The following PARP8 variants were observed in gnomAD, a reference collection of about 807,000 sequenced individuals.
PARP8 encodes protein mono-ADP-ribosyltransferase PARP8.
PARP8 carries 51 observed loss-of-function variants against 124.1 expected under a neutral mutation model. The observed-to-expected ratio is 0.41, with a 90% CI of 0.33 to 0.52. The LOEUF (loss-of-function observed/expected upper bound fraction) is 0.52, where lower values mean the gene tolerates loss of function less well. PARP8 is among the 20% of genes least tolerant of loss of function. The probability of loss-of-function intolerance (pLI) is 0.21; values close to 1 mark genes in which losing one functional copy is unlikely to be tolerated. For missense variants in PARP8, 860 were observed against 1,018.9 expected (o/e 0.84, Z 2.12); for synonymous variants, 391 against 361.5 (o/e 1.08, Z -0.93).
At chr5:50,733,802 T>C (rs1757219630) in intron 2 of PARP8, among the ~76,000 whole-genome samples, 1 of 152,152 alleles carries the variant, frequency 6.6e-6, no homozygotes, top group South Asian at 2.1e-4. Context: ...ATTTCCTTCT[T>C]ACCAAGCCAG....
chr5:50,757,376 A>G (rs1242052355), intron 3 of PARP8, among the ~76,000 whole-genome samples: 1 of 152,092 alleles, frequency 6.6e-6, no homozygotes, highest in Non-Finnish European at 1.5e-5. Flanking sequence ...TCTGTCAAAT[A>G]ATTGAACCAG....
In PARP8 at chr5:50,843,253, CAG is replaced by C. The variant is rs1448534734; in HGVS notation, c.*1186_*1187del. On this transcript the variant is annotated 3_prime_UTR_variant, in exon 26 of 26. Transcript: ENST00000281631. ...TTCTTATTCATCAAGTTTTAATTGA[CAG>C]TGTTTATTTTCCCACATGTTGTCTT... 8 of 151,706 alleles carry C rather than the reference CAG, an allele frequency of 5.3e-5. No homozygotes were observed. The highest frequency in any genetic ancestry group is 1.9e-4 in the African/African-American group (8 of 41,424). The allele number at this position is 151,706 out of a possible 1,614,324, so 9.4% of individuals were successfully genotyped here.
At chr5:50,778,419 A>G (rs1195193493) in intron 8 of PARP8, 141 bp from the exon 9 acceptor site, 12 of 670,280 alleles carry the variant, frequency 1.8e-5, no homozygotes, top group East Asian at 2.8e-5. Flanking sequence ...ATATTTTCAC[A>G]AAACAGTGGG....
rs756435205 is a variant in PARP8, at chr5:50,834,982, A to G, written c.2429A>G (p.Asn810Ser). 1.3e-5 allele frequency: 21 copies of G among 1,613,484 alleles called. No homozygotes were observed. Among genetic ancestry groups the G allele is most frequent in the South Asian group, 3.3e-5 (3 of 91,064 alleles). Reference sequence around the variant, plus strand: ...CATGGAGAGATATGGGTTGTCCCCAATACTGACCATGTCTGCACACGATTC... The same window carrying G: ...CATGGAGAGATATGGGTTGTCCCCAGTACTGACCATGTCTGCACACGATTC... ...HKHGEIWVVP[N>S]TDHVCTRFFF... The change falls in exon 25 of 26, where the codon AAT becomes AGT. Residue 810 changes from asparagine (N) to serine (S), a missense_variant. Around this residue, in one of 2 missense-constraint regions of PARP8, gnomAD observed 343 missense variants for 474.7 expected, o/e 0.72. Transcript: ENST00000281631.
At chr5:50,822,571 G>A (rs1324054083) in intron 17 of PARP8, among the ~76,000 whole-genome samples, 171 bp downstream of exon 17, 1 of 152,084 alleles carries the variant, frequency 6.6e-6, no homozygotes, top group Non-Finnish European at 1.5e-5. Context: ...TGTGACTTCA[G>A]GAAAGTAAGT....
In PARP8 at chr5:50,776,182, C is replaced by G. The variant is rs115650134; in HGVS notation, c.519-1887C>G. 1.9e-3 allele frequency among the ~76,000 whole-genome samples: 296 copies of G among 152,280 alleles called. 1 individual carries two copies. The highest frequency in any genetic ancestry group is 2.5e-3 in the Non-Finnish European group (173 of 68,018). ...TCATGATTCTGTTAATGTGATGTATCACGTTTATTGATTTGCATATGTTGA... is the reference window on the plus strand; with the variant it reads ...TCATGATTCTGTTAATGTGATGTATGACGTTTATTGATTTGCATATGTTGA... On this transcript the variant is annotated intron_variant, in intron 7 of 25. Coordinates refer to ENST00000281631, the MANE Select transcript of PARP8 (RefSeq NM_024615.4).
chr5:50,826,310 A>G (rs1239218000), intron 18 of PARP8, among the ~76,000 whole-genome samples: 1 of 151,798 alleles, frequency 6.6e-6, no homozygotes, highest in Non-Finnish European at 1.5e-5. Context: ...ATATCAGCTC[A>G]AAGAGATCCT....
intron 7 of PARP8, among the ~76,000 whole-genome samples, chr5:50,768,876 C>T (rs759440559): frequency 1.3e-5 from 2 of 152,036 alleles, no homozygotes; most frequent in Non-Finnish European, 2.9e-5. Flanking sequence ...GGCATCACAA[C>T]GGAAATGGGT....
intron 15 of PARP8, among the ~76,000 whole-genome samples, chr5:50,820,901 T>A (rs1208079862): frequency 2.0e-5 from 3 of 152,248 alleles, no homozygotes; most frequent in Non-Finnish European, 4.4e-5. Context: ...GACTATCAGC[T>A]GCACCAGAGC....
chr5:50,721,426 C>G (rs1202247994), intron 2 of PARP8, among the ~76,000 whole-genome samples: 1 of 151,948 alleles, frequency 6.6e-6, no homozygotes, highest in Non-Finnish European at 1.5e-5. Context: ...ATTGTGCCTT[C>G]TGTTGTAGTC....
chr5:50,756,374 T>C (rs1759954743), intron 3 of PARP8, among the ~76,000 whole-genome samples: 1 of 152,156 alleles, frequency 6.6e-6, no homozygotes, highest in Admixed American at 6.6e-5. Context: ...TCTATTACTT[T>C]AAGTCCTTTC....
chr5:50,683,182 T>C (rs1463852888), intron 2 of PARP8, among the ~76,000 whole-genome samples: 7 of 152,218 alleles, frequency 4.6e-5, no homozygotes, highest in African/African-American at 7.2e-5. Context: ...TAAATCCTTT[T>C]ATCCTAGCTG....
chr5:50,688,335 A>G (rs1271895558), intron 2 of PARP8, among the ~76,000 whole-genome samples: 1 of 147,870 alleles, frequency 6.8e-6, no homozygotes, highest in African/African-American at 2.7e-5. Context: ...AGCATCTGCA[A>G]CACAAGTCAG....
chr5:50,733,169 T>A (rs567300867), intron 2 of PARP8, among the ~76,000 whole-genome samples: 141 of 151,830 alleles, frequency 9.3e-4, no homozygotes, highest in Non-Finnish European at 1.3e-3. Context: ...CCAGGCGTGG[T>A]GTTGTGTGCC....
chr5:50,766,821 G>A (rs752144860), intron 7 of PARP8, among the ~76,000 whole-genome samples: 6 of 151,998 alleles, frequency 3.9e-5, no homozygotes, highest in Non-Finnish European at 7.4e-5. Flanking sequence ...CGTATATCAC[G>A]TTACTCATAC....
chr5:50,752,273 A>G (rs1435347491), intron 3 of PARP8, among the ~76,000 whole-genome samples: 2 of 152,072 alleles, frequency 1.3e-5, no homozygotes, highest in African/African-American at 4.8e-5. Flanking sequence ...TTTGTCATAT[A>G]CTTTAGCATT....
At chr5:50,698,606 G>A (rs1753273842) in intron 2 of PARP8, among the ~76,000 whole-genome samples, 1 of 152,112 alleles carries the variant, frequency 6.6e-6, no homozygotes, top group Admixed American at 6.5e-5. Flanking sequence ...ACAGTGGAGA[G>A]CAGGAGAAAA....
intron 1 of PARP8, among the ~76,000 whole-genome samples, chr5:50,667,401 C>T (rs62366937): frequency 0.85 from 128,828 of 152,268 alleles, 54,876 homozygotes; most frequent in East Asian, 0.96. Context: ...AGGCAGCCAC[C>T]AGCTTTGAGG....
intron 10 of PARP8, among the ~76,000 whole-genome samples, chr5:50,790,367 C>T (rs1025496541): frequency 1.3e-5 from 2 of 152,042 alleles, no homozygotes; most frequent in Admixed American, 6.6e-5. Flanking sequence ...GCATTGTGCC[C>T]ATATCCTGCG....
Sources: allele counts gnomAD v4.1 joint callset (sites outside exome capture counted in the v4.1 genomes callset), GRCh38; gene constraint gnomAD v4.1.1; regional missense constraint gnomAD v4.1.1; transcripts MANE v1.5; gene names NCBI Gene and HGNC (gene_info 2026-07-23, HGNC 2026-07-21).